The following SKI variants were observed in gnomAD, a reference collection of about 807,000 sequenced individuals.
SKI encodes the protein ski oncogene.
Under a neutral mutation model 59.3 loss-of-function variants are expected in SKI, and 23 were observed. The ratio of observed to expected loss-of-function variants is 0.39; its 90% CI spans 0.28 to 0.55. The LOEUF (loss-of-function observed/expected upper bound fraction) is 0.55, where lower values mean the gene tolerates loss of function less well. SKI is among the 20% of genes least tolerant of loss of function. The pLI, the probability that SKI is intolerant of heterozygous loss-of-function variation, is 0.67. For missense variants in SKI, 1,017 were observed against 1,038.9 expected, an observed-to-expected ratio of 0.98 and a Z score of 0.29; for synonymous variants, 673 against 488.6, an observed-to-expected ratio of 1.38 and a Z score of -4.98.
chr1:2,251,028 A>G (rs1023709333), intron 1 of SKI, among the ~76,000 whole-genome samples: 1 of 152,192 alleles, frequency 6.6e-6, no homozygotes, highest in African/African-American at 2.4e-5. Context: ...CCCTGTCCCC[A>G]TGGACTTTAT....
intron 1 of SKI, among the ~76,000 whole-genome samples, chr1:2,256,762 A>C (rs1368331632): frequency 6.6e-6 from 1 of 152,198 alleles, no homozygotes; most frequent in East Asian, 1.9e-4. Flanking sequence ...CTGACATGTG[A>C]CCTGACTGTG....
intron 1 of SKI, among the ~76,000 whole-genome samples, chr1:2,231,612 C>T (rs941768715): frequency 1.3e-5 from 2 of 152,238 alleles, no homozygotes; most frequent in African/African-American, 4.8e-5. Flanking sequence ...TTGAAGTCCC[C>T]AGCACTGCTC....
intron 1 of SKI, among the ~76,000 whole-genome samples, chr1:2,259,317 C>G (rs1193644496): frequency 1.3e-5 from 2 of 152,200 alleles, no homozygotes; most frequent in East Asian, 1.9e-4. Context: ...AAAACACTTG[C>G]AGGTTCCTGA....
In SKI at chr1:2,307,673, G is replaced by A. The variant is rs1227470301; in HGVS notation, c.*908G>A. 2.0e-5 allele frequency: 3 copies of A among 152,524 alleles called. No individual in the cohort carries two copies. The highest frequency in any genetic ancestry group is 4.4e-5 in the Non-Finnish European group (3 of 68,038). 9.4% of individuals were successfully genotyped at this position (152,524 alleles called of 1,614,324 possible). On this transcript the variant is annotated 3_prime_UTR_variant, in exon 7 of 7. Coordinates refer to ENST00000378536, the MANE Select transcript of SKI (RefSeq NM_003036.4). Reference sequence around the variant, plus strand: ...CTGAGGCTGCAGCATTGGAACAAAAGAGCATTATTTCAATTTTTCTTTCTT... The same window carrying A: ...CTGAGGCTGCAGCATTGGAACAAAAAAGCATTATTTCAATTTTTCTTTCTT...
rs1375637086 is a variant in SKI at position 2,308,129 on chromosome 1, C to T, written c.*1364C>T. Reference sequence around the variant, plus strand: ...TTTCCCAGTAGACAAGAGGCGGCTACCTATCCTACAGTTACGGTATTTATT... The same window carrying T: ...TTTCCCAGTAGACAAGAGGCGGCTATCTATCCTACAGTTACGGTATTTATT... On this transcript the variant is annotated 3_prime_UTR_variant, in exon 7 of 7. Transcript: ENST00000378536. 6.6e-6 allele frequency: 1 copy of T among 152,258 alleles called. No homozygotes were observed. The highest frequency in any genetic ancestry group is 2.4e-5 in the African/African-American group (1 of 41,452). The allele number at this position is 152,258 out of a possible 1,614,324, so 9.4% of individuals were successfully genotyped here.
At position 2,310,090 on chromosome 1, in the gene SKI, T is replaced by C. The variant is rs1374196580; in HGVS notation, c.*3325T>C. ...TTTATGTAATTAATGTATGCTTTCT[T>C]GTTTATAAATGCCTGATTTAAAAAG... is the stretch of plus-strand genomic sequence containing the variant. On this transcript the variant is annotated 3_prime_UTR_variant, in exon 7 of 7. Transcript: ENST00000378536. 1 of 151,718 alleles carries C rather than the reference T, an allele frequency of 6.6e-6. No individual in the cohort carries two copies. The highest frequency in any genetic ancestry group is 1.5e-5 in the Non-Finnish European group (1 of 67,972). 9.4% of individuals were successfully genotyped at this position (151,718 alleles called of 1,614,324 possible).
chr1:2,237,999 C>T (rs1446901266), intron 1 of SKI, among the ~76,000 whole-genome samples: 1 of 152,210 alleles, frequency 6.6e-6, no homozygotes, highest in Non-Finnish European at 1.5e-5. Flanking sequence ...CGGTGCCCTC[C>T]CGCCTGGTGC....
intron 1 of SKI, among the ~76,000 whole-genome samples, chr1:2,288,058 G>C (rs980493684): frequency 6.6e-6 from 1 of 151,516 alleles, no homozygotes; most frequent in Non-Finnish European, 1.5e-5. Flanking sequence ...GCACGATCTC[G>C]GCTCACCCCA....
At chr1:2,232,903 T>C (rs1328523122) in intron 1 of SKI, among the ~76,000 whole-genome samples, 1 of 152,202 alleles carries the variant, frequency 6.6e-6, no homozygotes, top group Non-Finnish European at 1.5e-5. Context: ...GACTGGAGCC[T>C]CTGAGCCTTC....
chr1:2,282,816 A>G (rs149373650), intron 1 of SKI, among the ~76,000 whole-genome samples: 7 of 152,228 alleles, frequency 4.6e-5, no homozygotes, highest in East Asian at 3.9e-4. Flanking sequence ...AGCACATGCT[A>G]CTAGTGACAT....
chr1:2,305,481 G>C (rs77597281), intron 5 of SKI, among the ~76,000 whole-genome samples: 4,243 of 152,290 alleles, frequency 0.028, 185 homozygotes, highest in African/African-American at 0.098. Context: ...CGCCACTGTT[G>C]TCCTTGATTC....
chr1:2,306,703 C>A lies in SKI; in HGVS notation c.2125C>A (p.Leu709Met), dbSNP rs1478769141. The A allele has an allele frequency of 6.5e-7, 1 of 1,541,478 alleles. No individual in the cohort carries two copies. The highest frequency in any genetic ancestry group is 1.4e-5 in the African/African-American group (1 of 72,236). ...EKVVKELQEQLWPRARPEAAG... is the reference protein window; with the variant it reads ...EKVVKELQEQMWPRARPEAAG... ...GGTGGTGAAGGAGCTGCAGGAACAG[C>A]TGTGGCCGCGGGCCCGCCCCGAGGC... Residue 709 changes from leucine (L) to methionine (M), a missense_variant, in exon 7 of 7, where the codon CTG becomes ATG. Physicochemically the swap from Leu to Met is conservative, Grantham distance 15. Transcript: ENST00000378536.
At position 2,306,265 on chromosome 1, in the gene SKI, A is replaced by G; in HGVS notation, c.1998+15A>G. 1 of 1,540,682 alleles carries G rather than the reference A, an allele frequency of 6.5e-7. No homozygotes were observed. ...ACTCGGCCCAGGTATGCGGGTGGGG[A>G]GACTGAGGCACGCAGCACGGTGGGC... On this transcript the variant is annotated intron_variant, in intron 6 of 6. Coordinates refer to ENST00000378536, the MANE Select transcript of SKI (RefSeq NM_003036.4).
chr1:2,271,467 C>G (rs1259834591), intron 1 of SKI, among the ~76,000 whole-genome samples: 2 of 152,158 alleles, frequency 1.3e-5, no homozygotes, highest in Non-Finnish European at 2.9e-5. Context: ...TTCAATGTCC[C>G]TCTCTCAGAC....
intron 1 of SKI, among the ~76,000 whole-genome samples, chr1:2,239,253 A>C (rs1414115520): frequency 6.6e-6 from 1 of 152,228 alleles, no homozygotes; most frequent in Non-Finnish European, 1.5e-5. Context: ...AACTATCAAA[A>C]CTGTGATTTT....
chr1:2,255,566 T>G (rs1288228424), intron 1 of SKI, among the ~76,000 whole-genome samples: 2 of 150,994 alleles, frequency 1.3e-5, no homozygotes, highest in Admixed American at 1.3e-4. Context: ...GACCTCATTT[T>G]CTGTCTGTGC....
At chr1:2,243,614 T>C (rs988543622) in intron 1 of SKI, among the ~76,000 whole-genome samples, 15 of 152,164 alleles carry the variant, frequency 9.9e-5, no homozygotes, top group African/African-American at 3.6e-4. Context: ...TGAAACAGCT[T>C]GGTCAGAGGG....
Position 2,268,844 on chromosome 1 carries a change from CCTT to C in SKI, c.970-34129_970-34127del, listed in dbSNP as rs1639553883. ...GCTGCTGTGCTGCCGTATTCTGATT[CCTT>C]CTTCCCTCCCTCCCTCCCTTCTGCC... On this transcript the variant is annotated intron_variant, in intron 1 of 6. Transcript: ENST00000378536. The surrounding 1 kb of genome is among the most constrained non-coding windows in gnomAD (Gnocchi z 5.0). Among the ~76,000 whole-genome samples, 1 of 152,094 alleles carries C rather than the reference CCTT, an allele frequency of 6.6e-6. No homozygotes were observed. The highest frequency in any genetic ancestry group is 1.5e-5 in the Non-Finnish European group (1 of 68,008).
At chr1:2,305,672 CT>C (rs1640554624) in intron 5 of SKI, among the ~76,000 whole-genome samples, 1 of 152,188 alleles carries the variant, frequency 6.6e-6, no homozygotes, top group Non-Finnish European at 1.5e-5. Flanking sequence ...ATGTCTGAGG[CT>C]GCCCTCCTCA....
Sources: allele counts gnomAD v4.1 joint callset (sites outside exome capture counted in the v4.1 genomes callset), GRCh38; gene constraint gnomAD v4.1.1; non-coding constraint Gnocchi (gnomAD v3.1); transcripts MANE v1.5; gene names NCBI Gene and HGNC (gene_info 2026-07-23, HGNC 2026-07-21).